GFPT1: variants seen among roughly 807,000 people sequenced by gnomAD.
The protein encoded by GFPT1 is glutamine--fructose-6-phosphate aminotransferase [isomerizing] 1.
A neutral mutation model predicts 92.0 loss-of-function variants in GFPT1; 40 were observed. The observed-to-expected ratio is 0.43, with a 90% CI of 0.34 to 0.57. The LOEUF (loss-of-function observed/expected upper bound fraction) is 0.57. GFPT1 is among the 20% of genes least tolerant of loss of function. The probability of loss-of-function intolerance (pLI) is 0.02; values close to 1 mark genes in which losing one functional copy is unlikely to be tolerated. For synonymous variants in GFPT1, 269 were observed against 280.6 expected (o/e 0.96, Z 0.41); for missense variants, 448 against 869.1 (o/e 0.52, Z 6.09).
intron 2 of GFPT1, among the ~76,000 whole-genome samples, chr2:69,372,863 T>G (rs1671784845): frequency 6.6e-6 from 1 of 152,192 alleles, no homozygotes; most frequent in South Asian, 2.1e-4. Context: ...AAGGCCTGTT[T>G]TCAAGGTTGG....
intron 3 of GFPT1, among the ~76,000 whole-genome samples, chr2:69,364,086 G>C (rs1671548944): frequency 6.8e-6 from 1 of 147,436 alleles, no homozygotes; most frequent in Admixed American, 6.8e-5. Flanking sequence ...CTGCACTCCA[G>C]CCTGGGCAAC....
chr2:69,328,770 G>GGT (rs1670592355), intron 17 of GFPT1, among the ~76,000 whole-genome samples: 1 of 145,282 alleles, frequency 6.9e-6, no homozygotes, highest in African/African-American at 2.6e-5. Context: ...GTGTGATCTC[G>GGT]GCTCACTGCC....
In GFPT1 at chr2:69,324,625, G is replaced by C. The variant is rs1275944076; in HGVS notation, c.*1564C>G. 6.6e-6 allele frequency: 1 copy of C among 151,868 alleles called. No individual in the cohort carries two copies. The highest frequency in any genetic ancestry group is 1.5e-5 in the Non-Finnish European group (1 of 67,980). 9.4% of individuals were successfully genotyped at this position (151,868 alleles called of 1,614,324 possible). ...ACAAGCAGAATTCTATGCTTCTCTG[G>C]CAACAACAATAACTATTAGAAAATC... is the stretch of plus-strand genomic sequence containing the variant. On this transcript the variant is annotated 3_prime_UTR_variant, in exon 20 of 20. Coordinates refer to ENST00000357308, the MANE Select transcript of GFPT1 (RefSeq NM_001244710.2).
chr2:69,356,900 T>C (rs1671351676), intron 6 of GFPT1, among the ~76,000 whole-genome samples: 1 of 152,050 alleles, frequency 6.6e-6, no homozygotes, highest in Non-Finnish European at 1.5e-5. Context: ...CCCACGCTAA[T>C]TTTTGTATTT....
At chr2:69,347,992 T>C (rs1453362989) in intron 11 of GFPT1, among the ~76,000 whole-genome samples, 179 bp downstream of exon 11, 2 of 152,216 alleles carry the variant, frequency 1.3e-5, no homozygotes, top group African/African-American at 4.8e-5. Flanking sequence ...TTGAAGACGA[T>C]TGTAAAAACA....
intron 9 of GFPT1, among the ~76,000 whole-genome samples, chr2:69,352,954 G>A (rs977785940): frequency 1.3e-5 from 2 of 152,098 alleles, no homozygotes; most frequent in Admixed American, 6.6e-5. Context: ...GCTGAGGCAT[G>A]AGACTCGCTT....
At chr2:69,346,024 T>TAAAAA in intron 11 of GFPT1, 25 bp from the exon 12 acceptor site, 1 of 1,225,276 alleles carries the variant, frequency 8.2e-7, no homozygotes. Flanking sequence ...ATCACATAAT[T>TAAAAA]AAAACAAAAA....
intron 4 of GFPT1, 131 bp downstream of exon 4, chr2:69,363,414 T>C: frequency 1.0e-6 from 1 of 955,684 alleles, no homozygotes; most frequent in Admixed American, 2.0e-5. Context: ...CCATATGCTC[T>C]CTACTACTTC....
At chr2:69,337,747 A>G (rs1007747500) in intron 15 of GFPT1, 151 bp downstream of exon 15, 2 of 709,650 alleles carry the variant, frequency 2.8e-6, no homozygotes, top group Admixed American at 4.2e-5. Flanking sequence ...AATGATTAGT[A>G]AAATGTGTGA....
intron 16 of GFPT1, 65 bp downstream of exon 16, chr2:69,329,617 TAA>T: frequency 2.7e-6 from 3 of 1,104,508 alleles, no homozygotes; most frequent in Non-Finnish European, 4.2e-6. Context: ...GCTTCAAGGA[TAA>T]GAGAATTTTA....
chr2:69,350,232 C>A, intron 9 of GFPT1, 49 bp from the exon 10 acceptor site: 1 of 1,169,730 alleles, frequency 8.5e-7, no homozygotes, highest in Non-Finnish European at 1.3e-6. Context: ...AAAATCATGT[C>A]CAATGTAGAA....
intron 13 of GFPT1, among the ~76,000 whole-genome samples, chr2:69,341,051 T>C (rs146474673): frequency 2.0e-5 from 3 of 151,864 alleles, no homozygotes; most frequent in African/African-American, 7.3e-5. Flanking sequence ...CCTCACCTTC[T>C]GGACTCAAGC....
intron 15 of GFPT1, among the ~76,000 whole-genome samples, chr2:69,333,642 T>A (rs1483422402): frequency 6.6e-6 from 1 of 152,198 alleles, no homozygotes; most frequent in East Asian, 1.9e-4. Flanking sequence ...AGCACTGTGG[T>A]GAAATTCTAA....
At chr2:69,368,992 C>T (rs1377749544) in intron 3 of GFPT1, among the ~76,000 whole-genome samples, 1 of 152,166 alleles carries the variant, frequency 6.6e-6, no homozygotes, top group East Asian at 1.9e-4. Context: ...TATGTATTCC[C>T]AGTCTCGTCA....
At chr2:69,352,082 T>G (rs1043590341) in intron 9 of GFPT1, among the ~76,000 whole-genome samples, 8 of 150,290 alleles carry the variant, frequency 5.3e-5, no homozygotes, top group Non-Finnish European at 7.4e-5. Context: ...GCCAACATGG[T>G]GAAACCTCGT....
At chr2:69,342,343 G>C in intron 12 of GFPT1, 94 bp from the exon 13 acceptor site, 1 of 783,236 alleles carries the variant, frequency 1.3e-6, no homozygotes, top group Non-Finnish European at 2.3e-6. Context: ...ATATGAGGAA[G>C]AATACTGCTG....
intron 11 of GFPT1, 104 bp downstream of exon 11, chr2:69,348,067 G>T: frequency 1.1e-6 from 1 of 918,200 alleles, no homozygotes; most frequent in South Asian, 1.3e-5. Flanking sequence ...TCATGTGGAA[G>T]ATTCCACTCA....
rs2104587115 is a variant in GFPT1 at position 69,322,129 on chromosome 2, ATAAAG to A, written c.*4055_*4059del. 1 of 152,310 alleles carries A rather than the reference ATAAAG, an allele frequency of 6.6e-6. No individual in the cohort carries two copies. Among genetic ancestry groups the A allele is most frequent in the African/African-American group, 2.4e-5 (1 of 41,564 alleles). 9.4% of individuals were successfully genotyped at this position (152,310 alleles called of 1,614,324 possible). On this transcript the variant is annotated 3_prime_UTR_variant, in exon 20 of 20. Transcript: ENST00000357308. ...TAAACTTGAGACTCTAACAGTAAAAATAAAGTAATCTGAAACCTGTTTCCATGGGT... is the reference window on the plus strand; with the variant it reads ...TAAACTTGAGACTCTAACAGTAAAAATAATCTGAAACCTGTTTCCATGGGT...
chr2:69,343,667 C>G (rs1671011459), intron 12 of GFPT1, among the ~76,000 whole-genome samples: 1 of 151,878 alleles, frequency 6.6e-6, no homozygotes, highest in African/African-American at 2.4e-5. Flanking sequence ...CCACCTTGGC[C>G]TCCCAAAGTG....
Sources: gnomAD v4.1 joint callset for allele counts (sites outside exome capture counted in the v4.1 genomes callset) on GRCh38, gnomAD v4.1.1 for gene constraint, MANE v1.5 for transcripts, NCBI Gene and HGNC (gene_info 2026-07-23, HGNC 2026-07-21) for gene names.